HS6ST3: variants seen among roughly 807,000 people sequenced by gnomAD.
HS6ST3 encodes the protein heparan-sulfate 6-O-sulfotransferase 3.
Under a neutral mutation model 36.7 loss-of-function variants are expected in HS6ST3, and 12 were observed. The ratio of observed to expected loss-of-function variants is 0.33; its 90% confidence interval spans 0.21 to 0.53. The LOEUF (loss-of-function observed/expected upper bound fraction) is 0.53, where lower values mean the gene tolerates loss of function less well. Ranked by LOEUF, HS6ST3 falls within the 20% of genes least tolerant of loss-of-function variation. The pLI is 0.95. For missense variants in HS6ST3, 584 were observed against 640.9 expected (o/e 0.91, Z 0.96); for synonymous variants, 240 against 257.5 (o/e 0.93, Z 0.65).
At chr13:96,436,467 G>A (rs61967672) in intron 1 of HS6ST3, among the ~76,000 whole-genome samples, 7,129 of 152,130 alleles carry the variant, frequency 0.047, 396 homozygotes, top group African/African-American at 0.13. Context: ...CAAACACACC[G>A]ATGTTATTGG....
intron 1 of HS6ST3, among the ~76,000 whole-genome samples, chr13:96,309,496 G>A (rs2054929922): frequency 6.6e-6 from 1 of 152,082 alleles, no homozygotes; most frequent in Non-Finnish European, 1.5e-5. Context: ...ATATAACAAG[G>A]CTACTTAAAT....
intron 1 of HS6ST3, among the ~76,000 whole-genome samples, chr13:96,432,930 T>A (rs2055622634): frequency 6.6e-6 from 1 of 152,210 alleles, no homozygotes; most frequent in African/African-American, 2.4e-5. Context: ...AAGCTCTTTT[T>A]AAAATATTGA....
intron 1 of HS6ST3, among the ~76,000 whole-genome samples, chr13:96,367,799 G>A (rs550877621): frequency 1.3e-5 from 2 of 152,306 alleles, no homozygotes; most frequent in African/African-American, 4.8e-5. Flanking sequence ...GGAAGGGCTT[G>A]TCTTGAGAGC....
chr13:96,363,365 C>A (rs1362735760), intron 1 of HS6ST3, among the ~76,000 whole-genome samples: 1 of 151,760 alleles, frequency 6.6e-6, no homozygotes, highest in African/African-American at 2.4e-5. Flanking sequence ...GAAGTTGACC[C>A]AGAAGTGGCA....
At chr13:96,156,872 G>A (rs182353658) in intron 1 of HS6ST3, among the ~76,000 whole-genome samples, 1 of 152,294 alleles carries the variant, frequency 6.6e-6, no homozygotes, top group East Asian at 1.9e-4. Context: ...GCAGAGTATA[G>A]GATTGACATT....
At chr13:96,492,440 C>A (rs571519802) in intron 1 of HS6ST3, among the ~76,000 whole-genome samples, 1 of 152,302 alleles carries the variant, frequency 6.6e-6, no homozygotes, top group East Asian at 1.9e-4. Context: ...CCTCCCTCAC[C>A]CTGACCTGGT....
intron 1 of HS6ST3, among the ~76,000 whole-genome samples, chr13:96,164,667 C>T (rs556821186): frequency 6.6e-5 from 10 of 152,056 alleles, no homozygotes; most frequent in Non-Finnish European, 1.5e-4. Flanking sequence ...TAATATGGTA[C>T]CTTTGCCCTA....
intron 1 of HS6ST3, among the ~76,000 whole-genome samples, chr13:96,527,703 A>G (rs2056119667): frequency 6.6e-6 from 1 of 152,178 alleles, no homozygotes; most frequent in African/African-American, 2.4e-5. Flanking sequence ...AGCAGAGGGA[A>G]CTGCAAATGA....
At chr13:96,339,299 G>A (rs1194942573) in intron 1 of HS6ST3, among the ~76,000 whole-genome samples, 5 of 152,174 alleles carry the variant, frequency 3.3e-5, no homozygotes, top group Non-Finnish European at 5.9e-5. Flanking sequence ...ATCGTTGTTG[G>A]TTGGTTTAAA....
intron 1 of HS6ST3, among the ~76,000 whole-genome samples, chr13:96,216,353 G>A (rs977910826): frequency 6.6e-6 from 1 of 152,148 alleles, no homozygotes; most frequent in Admixed American, 6.5e-5. Context: ...CTGAATGGGT[G>A]TGTCATGATT....
chr13:96,303,307 G>C (rs77140223), intron 1 of HS6ST3, among the ~76,000 whole-genome samples: 3,827 of 152,266 alleles, frequency 0.025, 158 homozygotes, highest in African/African-American at 0.089. Context: ...AATCAGAGAA[G>C]CTTAGATCTA....
chr13:96,213,526 A>G (rs1290436972), intron 1 of HS6ST3, among the ~76,000 whole-genome samples: 1 of 127,006 alleles, frequency 7.9e-6, no homozygotes, highest in East Asian at 2.2e-4. Flanking sequence ...TGTGTAGGAC[A>G]ATTTTTTTTT....
At chr13:96,478,799 T>C (rs978171227) in intron 1 of HS6ST3, among the ~76,000 whole-genome samples, 3 of 152,104 alleles carry the variant, frequency 2.0e-5, no homozygotes, top group African/African-American at 7.2e-5. Flanking sequence ...CAAATGGAGA[T>C]TTGGGGGCTA....
chr13:96,205,970 C>G lies in HS6ST3; in HGVS notation c.707+114401C>G, dbSNP rs563887779. Among the ~76,000 whole-genome samples, 226 of 152,210 alleles carry G rather than the reference C, an allele frequency of 1.5e-3. 1 individual carries two copies. The highest frequency in any genetic ancestry group is 2.4e-3 in the Admixed American group (36 of 15,282). On this transcript the variant is annotated intron_variant, in intron 1 of 1. Coordinates refer to ENST00000376705, the MANE Select transcript of HS6ST3 (RefSeq NM_153456.4). ...TATTGGAAGTTCTGGCCAGGGAGAT[C>G]AGGCAAGAGAAAGAAATAAAGGGTA... is the stretch of plus-strand genomic sequence containing the variant.
rs1876876606 is a variant in HS6ST3 at position 96,758,052 on chromosome 13, TCTAC to T, written c.708-74435_708-74432del. On this transcript the variant is annotated intron_variant, in intron 1 of 1. Coordinates refer to ENST00000376705, the MANE Select transcript of HS6ST3 (RefSeq NM_153456.4). ...CTTAAATTATAGAATGACCAGTTAA[TCTAC>T]CTGAGACAGAAGTTTTCTTTATGGA... Among the ~76,000 whole-genome samples, 4 of 152,208 alleles carry T rather than the reference TCTAC, an allele frequency of 2.6e-5. No individual in the cohort carries two copies. In the South Asian group the frequency reaches 8.3e-4, roughly 32 times the overall value.
At chr13:96,165,067 A>G (rs1428568401) in intron 1 of HS6ST3, among the ~76,000 whole-genome samples, 1 of 152,194 alleles carries the variant, frequency 6.6e-6, no homozygotes, top group Admixed American at 6.5e-5. Context: ...TTACTATTTC[A>G]TACCTCTTAT....
chr13:96,774,679 A>G (rs1877345811), intron 1 of HS6ST3, among the ~76,000 whole-genome samples: 1 of 152,202 alleles, frequency 6.6e-6, no homozygotes, highest in African/African-American at 2.4e-5. Flanking sequence ...ATATGGGATT[A>G]TGTGAAAAGA....
At chr13:96,304,719 T>TTCTTTCTTTCTTTCTTTCTTTCTTTC (rs1566317948) in intron 1 of HS6ST3, among the ~76,000 whole-genome samples, 1 of 53,500 alleles carries the variant, frequency 1.9e-5, no homozygotes, top group Non-Finnish European at 3.5e-5. Flanking sequence ...TTCTTTTTTT[T>TTCTTTCTTTCTTTCTTTCTTTCTTTC]TTTTTTTTTT....
At position 96,592,589 on chromosome 13, in the gene HS6ST3, T is replaced by C. The variant is rs139174737; in HGVS notation, c.708-239901T>C. ...CTAAAATACTCCCTTTAGCATTTCT[T>C]GTAGTACAAGTCTGGTGTTGACTAA... On this transcript the variant is annotated intron_variant, in intron 1 of 1. Coordinates refer to ENST00000376705, the MANE Select transcript of HS6ST3 (RefSeq NM_153456.4). 6.7e-3 allele frequency among the ~76,000 whole-genome samples: 1,015 copies of C among 152,332 alleles called. 13 individuals carry two copies. Among genetic ancestry groups the C allele is most frequent in the African/African-American group, 0.023 (975 of 41,574 alleles).
Sources: gnomAD v4.1 joint callset for allele counts (sites outside exome capture counted in the v4.1 genomes callset) on GRCh38, gnomAD v4.1.1 for gene constraint, MANE v1.5 for transcripts, NCBI Gene and HGNC (gene_info 2026-07-23, HGNC 2026-07-21) for gene names.